The following PSEN2 variants were observed in gnomAD, a reference collection of about 807,000 sequenced individuals.
The protein encoded by PSEN2 is presenilin-2.
A neutral mutation model predicts 49.1 loss-of-function variants in PSEN2; 32 were observed. That is an observed-to-expected ratio of 0.65 (90% CI 0.49 to 0.88). PSEN2 has a LOEUF of 0.88. PSEN2 is among the 40% of genes least tolerant of loss of function. The probability of loss-of-function intolerance (pLI) is 0.00; values close to 1 mark genes in which losing one functional copy is unlikely to be tolerated. For synonymous variants in PSEN2, 255 were observed against 244.0 expected, an observed-to-expected ratio of 1.05 and a Z score of -0.42; for missense variants, 522 against 586.9, an observed-to-expected ratio of 0.89 and a Z score of 1.14.
rs75612539 is a variant in PSEN2, at chr1:226,892,013, C to G, written c.1072+169C>G. On this transcript the variant is annotated intron_variant, in intron 11 of 12. Transcript: ENST00000366783. The stretch of plus-strand genomic sequence containing the variant: ...GATGCCTGCAGCGCTGGGGTCTTCT[C>G]AGCAGGCCCCATGTAGTTGTCCGGC... 0.049 allele frequency among the ~76,000 whole-genome samples: 7,393 copies of G among 152,288 alleles called. 604 individuals are homozygous for G. Among genetic ancestry groups the G allele is most frequent in the African/African-American group, 0.17 (6,926 of 41,526 alleles).
In PSEN2 at chr1:226,894,003, A is replaced by C; in HGVS notation, c.1073-4A>C. 6.2e-7 allele frequency: 1 copy of C among 1,610,806 alleles called. No homozygotes were observed. The highest frequency in any genetic ancestry group is 8.5e-7 in the Non-Finnish European group (1 of 1,176,998). ...AGTACGGGTTACTGTCTCTCCTCACACAGGGGGCGTGAAGCTTGGCCTCGG... is the reference window on the plus strand; with the variant it reads ...AGTACGGGTTACTGTCTCTCCTCACCCAGGGGGCGTGAAGCTTGGCCTCGG... On this transcript the variant is annotated splice_region_variant and splice_polypyrimidine_tract_variant and intron_variant, in intron 11 of 12. Transcript: ENST00000366783.
At chr1:226,871,137 G>A (rs1369087082) in intron 1 of PSEN2, 125 bp from the exon 2 acceptor site, 1 of 152,076 alleles carries the variant, frequency 6.6e-6, no homozygotes, top group African/African-American at 2.4e-5. Flanking sequence ...TCTAGCACCG[G>A]GTCCTGGGCA....
At chr1:226,887,358 C>T (rs563876165) in intron 6 of PSEN2, among the ~76,000 whole-genome samples, 2 of 152,098 alleles carry the variant, frequency 1.3e-5, no homozygotes, top group East Asian at 3.9e-4. Context: ...ACCAGGGCCA[C>T]GCTGAGGTCC....
At chr1:226,876,422 G>A (rs758336208) in intron 3 of PSEN2, among the ~76,000 whole-genome samples, 1 of 152,162 alleles carries the variant, frequency 6.6e-6, no homozygotes, top group African/African-American at 2.4e-5. Flanking sequence ...GAGGGGATCT[G>A]GGAGGGGCAG....
chr1:226,879,115 G>C (rs1660815180), intron 3 of PSEN2, among the ~76,000 whole-genome samples: 1 of 152,176 alleles, frequency 6.6e-6, no homozygotes, highest in South Asian at 2.1e-4. Context: ...CAAGCGATCT[G>C]TCTGCCTCAG....
intron 6 of PSEN2, among the ~76,000 whole-genome samples, chr1:226,887,094 C>T (rs1054936296): frequency 2.0e-5 from 3 of 152,118 alleles, no homozygotes; most frequent in Non-Finnish European, 2.9e-5. Context: ...CTAGAAATTG[C>T]GTGGCAGATG....
chr1:226,889,913 A>T, intron 8 of PSEN2, 122 bp from the exon 9 acceptor site: 1 of 800,154 alleles, frequency 1.2e-6, no homozygotes, highest in Non-Finnish European at 2.2e-6. Context: ...AGAATTTGGG[A>T]TGCCAGCCCA....
rs558539886 is a variant in PSEN2, at chr1:226,902,167, G to A, written c.1192-6355G>A. On this transcript the variant is annotated intron_variant, in intron 12 of 14. Coordinates refer to the PSEN2 transcript ENST00000676945. Reference sequence around the variant, plus strand: ...CTCCACCTCAGGTCATCAGGCATTAGATTCTCATGTGGAGTGTGCCACTTA... The same window carrying A: ...CTCCACCTCAGGTCATCAGGCATTAAATTCTCATGTGGAGTGTGCCACTTA... 3.9e-5 allele frequency among the ~76,000 whole-genome samples: 6 copies of A among 152,290 alleles called. No individual in the cohort carries two copies. The South Asian group carries it at 1.2e-3, about 32-fold the overall frequency.
At chr1:226,889,370 G>A (rs556563472) in intron 8 of PSEN2, among the ~76,000 whole-genome samples, 38 of 152,032 alleles carry the variant, frequency 2.5e-4, no homozygotes, top group Admixed American at 9.8e-4. Context: ...TCCGCCTCCC[G>A]GGTTCAAGTG....
At chr1:226,885,480 G>A in intron 5 of PSEN2, 58 bp from the exon 6 acceptor site, 1 of 1,592,760 alleles carries the variant, frequency 6.3e-7, no homozygotes, top group Non-Finnish European at 8.6e-7. Context: ...CACTCAAGGT[G>A]GGGAGCCTCG....
chr1:226,877,949 G>A (rs1020680341), intron 3 of PSEN2, among the ~76,000 whole-genome samples: 4 of 152,220 alleles, frequency 2.6e-5, no homozygotes, highest in Non-Finnish European at 5.9e-5. Context: ...CCAGGTCACT[G>A]TCTAGCGCAG....
chr1:226,891,344 C>A lies in PSEN2; in HGVS notation c.953C>A (p.Pro318His). ...DPSSQGALQL[P>H]YDPEMEEDSY... ...TCCTCTCAGGGTGCCCTCCAGCTCC[C>A]CTACGACCCGGAGATGGGTGAGTAT... Residue 318 changes from proline (P) to histidine (H), a missense_variant, in exon 10 of 13, where the codon CCC becomes CAC. Transcript: ENST00000366783. The A allele has an allele frequency of 1.9e-6, 3 of 1,613,474 alleles. No homozygotes were observed. Among genetic ancestry groups the A allele is most frequent in the East Asian group, 2.2e-5 (1 of 44,868 alleles).
chr1:226,881,460 G>A (rs1295497782), intron 3 of PSEN2, among the ~76,000 whole-genome samples: 2 of 152,132 alleles, frequency 1.3e-5, no homozygotes, highest in South Asian at 2.1e-4. Flanking sequence ...TCAAACACCC[G>A]GATTGTATCA....
At chr1:226,886,924 C>A (rs79121491) in intron 6 of PSEN2, among the ~76,000 whole-genome samples, 1,706 of 152,252 alleles carry the variant, frequency 0.011, 39 homozygotes, top group African/African-American at 0.039. Context: ...CAATGTAAGA[C>A]CCTGTCTCTA....
intron 2 of PSEN2, among the ~76,000 whole-genome samples, chr1:226,874,678 G>C (rs1232729978): frequency 1.3e-5 from 2 of 152,148 alleles, no homozygotes; most frequent in Non-Finnish European, 2.9e-5. Context: ...ACGACTTATT[G>C]AACATCTACT....
intron 9 of PSEN2, chr1:226,890,653 C>G (rs1312101455): frequency 4.5e-6 from 1 of 223,348 alleles, no homozygotes; most frequent in Non-Finnish European, 9.0e-6. Flanking sequence ...CATTTTGTGA[C>G]AGGCACTGTG....
intron 4 of PSEN2, among the ~76,000 whole-genome samples, chr1:226,882,480 G>C (rs969251707): frequency 1.3e-5 from 2 of 152,180 alleles, no homozygotes; most frequent in Non-Finnish European, 2.9e-5. Context: ...TTGAGCTGGG[G>C]ATATTTGGGC....
chr1:226,890,186 G>T (rs779875543), intron 9 of PSEN2, 53 bp downstream of exon 9: 119 of 1,425,124 alleles, frequency 8.4e-5, no homozygotes, highest in South Asian at 6.3e-4. Flanking sequence ...GGCAGCCTGT[G>T]GGGGGACAGG....
intron 10 of PSEN2, 119 bp from the exon 11 acceptor site, chr1:226,891,624 C>A: frequency 1.0e-6 from 1 of 978,346 alleles, no homozygotes; most frequent in Non-Finnish European, 1.6e-6. Context: ...TGCTGGTGCT[C>A]AGGGGGACCC....
Sources: gnomAD v4.1 joint callset for allele counts (sites outside exome capture counted in the v4.1 genomes callset) on GRCh38, gnomAD v4.1.1 for gene constraint, MANE v1.5 for transcripts, NCBI Gene and HGNC (gene_info 2026-07-23, HGNC 2026-07-21) for gene names.